CD3D: variants seen among roughly 807,000 people sequenced by gnomAD.
The protein encoded by CD3D is T-cell surface glycoprotein CD3 delta chain.
In CD3D, 22 loss-of-function variants were observed where a neutral mutation model predicts 22.0. The observed-to-expected ratio is 1.00, with a 90% confidence interval of 0.71 to 1.43. The LOEUF is 1.43. Ranked by LOEUF, CD3D falls within the 40% of genes most tolerant of loss-of-function variation. The pLI, the probability that CD3D is intolerant of heterozygous loss-of-function variation, is 0.00. For synonymous variants in CD3D, 74 were observed against 81.2 expected (o/e 0.91, Z 0.48); for missense variants, 205 against 211.7 (o/e 0.97, Z 0.20).
intron 1 of CD3D, chr11:118,341,055 C>A: frequency 2.4e-6 from 1 of 424,868 alleles, no homozygotes; most frequent in South Asian, 1.7e-5. Flanking sequence ...TTCTTATCCT[C>A]ATCCTTCCTC....
At position 118,339,802 on chromosome 11, in the gene CD3D, C is replaced by T. The variant is rs1375520090; in HGVS notation, c.379G>A (p.Gly127Arg). The T allele has an allele frequency of 6.2e-7, 1 of 1,613,812 alleles. No individual in the cohort carries two copies. The highest frequency in any genetic ancestry group is 2.2e-5 in the East Asian group (1 of 44,872). ...LLALGVFCFA[G>R]HETGRLSGAA... ...CCAGACAGCCTTCCAGTCTCATGTC[C>T]AGCAAAGCAGAAGACTCCCAAAGCA... The change falls in exon 3 of 5, where the codon GGA (glycine) becomes AGA (arginine). Residue 127 changes from glycine to arginine, a missense_variant. Coordinates refer to ENST00000300692, the MANE Select transcript of CD3D (RefSeq NM_000732.6).
At chr11:118,340,012 C>G in intron 2 of CD3D, 106 bp from the exon 3 acceptor site, 1 of 1,350,126 alleles carries the variant, frequency 7.4e-7, no homozygotes, top group Non-Finnish European at 1.1e-6. Context: ...AAAACCCAAA[C>G]TTCAATAAGA....
intron 4 of CD3D, 93 bp from the exon 5 acceptor site, chr11:118,339,320 G>T: frequency 6.7e-7 from 1 of 1,484,314 alleles, no homozygotes; most frequent in South Asian, 1.1e-5. Flanking sequence ...GCTCCTGCCT[G>T]ACCTCTCCAG....
rs200132045 is a variant in CD3D, at chr11:118,339,795, T to C, written c.386A>G (p.Glu129Gly). 46 of 1,612,948 alleles carry C rather than the reference T, an allele frequency of 2.9e-5. No homozygotes were observed. Among genetic ancestry groups the C allele is most frequent in the Non-Finnish European group, 3.7e-5 (44 of 1,179,908 alleles). The change falls in exon 3 of 5, where the codon GAG becomes GGG. Residue 129 changes from glutamate (E) to glycine (G), a missense_variant. Transcript: ENST00000300692. ...CTAACCCCCAGACAGCCTTCCAGTC[T>C]CATGTCCAGCAAAGCAGAAGACTCC... ...ALGVFCFAGH[E>G]TGRLSGAADT...
intron 1 of CD3D, chr11:118,340,836 A>G: frequency 1.5e-6 from 1 of 657,056 alleles, no homozygotes; most frequent in Non-Finnish European, 2.8e-6. Flanking sequence ...TTGGTGCAAA[A>G]GAGGACCCCT....
rs200015708 is a variant in CD3D at position 118,339,412 on chromosome 11, C to T, written c.450+39G>A. 227 of 1,609,868 alleles carry T rather than the reference C, an allele frequency of 1.4e-4. 1 individual carries two copies. In the African/African-American group the frequency reaches 2.9e-3, roughly 20 times the overall value. ...GTGTGAGCCTCTCTATCCCCACTTACCCTCCCTTCATTCCTGCCTCCTTCC... is the reference window on the plus strand; with the variant it reads ...GTGTGAGCCTCTCTATCCCCACTTATCCTCCCTTCATTCCTGCCTCCTTCC... On this transcript the variant is annotated intron_variant, in intron 4 of 4. Transcript: ENST00000300692.
In CD3D at chr11:118,339,843, A is replaced by G. The variant is rs1171878788; in HGVS notation, c.338T>C (p.Ile113Thr). Residue 113 changes from isoleucine to threonine, a missense_variant, in exon 3 of 5, where the codon ATT becomes ACT. By Grantham distance (89) the Ile-to-Thr change is moderately conservative (BLOSUM62 -1). Coordinates refer to ENST00000300692, the MANE Select transcript of CD3D (RefSeq NM_000732.6). ...TCCCAAAGCAAGGAGCAGAGTGGCA[A>G]TGACATCAGTGACAATGATGCCAGC... ...TVAGIIVTDV[I>T]ATLLLALGVF... The G allele has an allele frequency of 6.2e-7, 1 of 1,613,974 alleles. No individual in the cohort carries two copies. The highest frequency in any genetic ancestry group is 1.3e-5 in the African/African-American group (1 of 75,002).
intron 1 of CD3D, 35 bp downstream of exon 1, chr11:118,342,518 A>G: frequency 6.3e-7 from 1 of 1,594,458 alleles, no homozygotes. Context: ...TGTCCCTCTC[A>G]GGTCCCTTCC....
intron 4 of CD3D, 95 bp from the exon 5 acceptor site, chr11:118,339,322 C>T (rs1565517388): frequency 2.7e-6 from 4 of 1,476,308 alleles, no homozygotes; most frequent in South Asian, 2.3e-5. Context: ...TCCTGCCTGA[C>T]CTCTCCAGTC....
intron 1 of CD3D, among the ~76,000 whole-genome samples, chr11:118,341,583 C>T (rs1346507515): frequency 6.6e-6 from 1 of 152,188 alleles, no homozygotes; most frequent in Non-Finnish European, 1.5e-5. Context: ...GAGACACATG[C>T]ACATCAAATG....
At chr11:118,339,380 G>C in intron 4 of CD3D, 71 bp downstream of exon 4, 1 of 1,562,898 alleles carries the variant, frequency 6.4e-7, no homozygotes, top group Non-Finnish European at 8.8e-7. Flanking sequence ...CGTGCAAACA[G>C]CATTCAGTGT....
chr11:118,339,186 TC>T lies in CD3D; in HGVS notation c.491del (p.Gly164GlufsTer16). 1 of 1,613,864 alleles carries T rather than the reference TC, an allele frequency of 6.2e-7. No homozygotes were observed. The highest frequency in any genetic ancestry group is 8.5e-7 in the Non-Finnish European group (1 of 1,179,946). On this transcript the variant is annotated frameshift_variant, in exon 5 of 5. Transcript: ENST00000300692. LOFTEE classifies it high-confidence loss of function. ...DRDDAQYSHL[G>X]GNWARNK ...TTCACTTGTTCCGAGCCCAGTTTCCTCCAAGGTGGCTGTACTGAGCATCATC... is the reference window on the plus strand; with the variant it reads ...TTCACTTGTTCCGAGCCCAGTTTCCTCAAGGTGGCTGTACTGAGCATCATC...
Position 118,339,824 on chromosome 11 carries a change from AG to A in CD3D, c.356del (p.Ala119ValfsTer25). On this transcript the variant is annotated frameshift_variant, in exon 3 of 5. Transcript: ENST00000300692. LOFTEE classifies it high-confidence loss of function. ...VTDVIATLLL[A>X]LGVFCFAGHE... The stretch of plus-strand genomic sequence containing the variant: ...GTCCAGCAAAGCAGAAGACTCCCAA[AG>A]CAAGGAGCAGAGTGGCAATGACATC... 6.2e-7 allele frequency: 1 copy of A among 1,613,942 alleles called. No homozygotes were observed. The highest frequency in any genetic ancestry group is 8.5e-7 in the Non-Finnish European group (1 of 1,180,006).
rs1321860644 is a variant in CD3D, at chr11:118,339,882, T to C, written c.299A>G (p.Asp100Gly). The part of the protein sequence containing the change: ...YRMCQSCVEL[D>G]PATVAGIIVT... ...AATGATGCCAGCCACGGTGGCTGGA[T>C]CCAGCTCCACACAGCTCTGGCACAC... The change falls in exon 3 of 5, where the codon GAT (aspartate) becomes GGT (glycine). Residue 100 changes from aspartate to glycine, a missense_variant. Transcript: ENST00000300692. The C allele has an allele frequency of 6.2e-7, 1 of 1,613,842 alleles. No individual in the cohort carries two copies. The highest frequency in any genetic ancestry group is 2.2e-5 in the East Asian group (1 of 44,868).
At position 118,340,397 on chromosome 11, in the gene CD3D, A is replaced by T. The variant is rs1407337151; in HGVS notation, c.252T>A (p.Ser84=). The change falls in exon 2 of 5, where the codon TCT becomes TCA. Residue 84 remains serine (S), a synonymous_variant. Transcript: ENST00000300692. ...TACTTCGATAATGAACTTGCACGGTAGATTCTTTGTCCTTGTATATATCTG... is the reference window on the plus strand; with the variant it reads ...TACTTCGATAATGAACTTGCACGGTTGATTCTTTGTCCTTGTATATATCTG... ...NGTDIYKDKE[S]TVQVHYRMCQ... The T allele has an allele frequency of 1.9e-6, 3 of 1,614,006 alleles. No homozygotes were observed. The highest frequency in any genetic ancestry group is 2.5e-6 in the Non-Finnish European group (3 of 1,179,866).
At chr11:118,341,183 C>T (rs1948296891) in intron 1 of CD3D, among the ~76,000 whole-genome samples, 1 of 152,186 alleles carries the variant, frequency 6.6e-6, no homozygotes, top group East Asian at 1.9e-4. Flanking sequence ...GAATTATCAG[C>T]CAAGTGGTCC....
chr11:118,340,731 G>T lies in CD3D; in HGVS notation c.56-138C>A. 5 of 734,856 alleles carry T rather than the reference G, an allele frequency of 6.8e-6. No homozygotes were observed. The South Asian group carries it at 7.5e-5, about 11-fold the overall frequency. 45.5% of individuals were successfully genotyped at this position (734,856 alleles called of 1,614,324 possible). A position where few individuals can be genotyped will look rare whatever the true frequency, so the allele number is the denominator to read the frequency against. On this transcript the variant is annotated intron_variant, in intron 1 of 4. Transcript: ENST00000300692. ...ATGGCTTCCATCAAGAGAGACAGAAGTCACAAGAAAAAGCCTTCAGAAAGT... is the reference window on the plus strand; with the variant it reads ...ATGGCTTCCATCAAGAGAGACAGAATTCACAAGAAAAAGCCTTCAGAAAGT...
At position 118,339,775 on chromosome 11, in the gene CD3D, C is replaced by T. The variant is rs1419111001; in HGVS notation, c.406G>A (p.Ala136Thr). 1 of 1,613,492 alleles carries T rather than the reference C, an allele frequency of 6.2e-7. No individual in the cohort carries two copies. The highest frequency in any genetic ancestry group is 8.5e-7 in the Non-Finnish European group (1 of 1,179,872). ...TCTCATGCTCTGCTCTTCCACTAAC[C>T]CCCAGACAGCCTTCCAGTCTCATGT... is the stretch of plus-strand genomic sequence containing the variant. ...AGHETGRLSGAADTQALLRND... is the reference protein window; with the variant it reads ...AGHETGRLSGTADTQALLRND... Residue 136 changes from alanine (A) to threonine (T), a missense_variant and splice_region_variant, in exon 3 of 5, where the codon GCT becomes ACT. Transcript: ENST00000300692.
chr11:118,341,789 C>T (rs940364421), intron 1 of CD3D, among the ~76,000 whole-genome samples: 1 of 152,152 alleles, frequency 6.6e-6, no homozygotes, highest in Admixed American at 6.5e-5. Flanking sequence ...CATGTAACAA[C>T]CCCTCAAATC....
Sources: allele counts gnomAD v4.1 joint callset (sites outside exome capture counted in the v4.1 genomes callset), GRCh38; gene constraint gnomAD v4.1.1; transcripts MANE v1.5; gene names NCBI Gene and HGNC (gene_info 2026-07-23, HGNC 2026-07-21).